The following CATSPER3 variants were observed in gnomAD, a reference collection of about 807,000 sequenced individuals.
CATSPER3 encodes the protein cation channel sperm-associated protein 3.
CATSPER3 carries 23 observed loss-of-function variants against 36.6 expected under a neutral mutation model. That is an observed-to-expected ratio of 0.63 (90% CI 0.45 to 0.89). CATSPER3 has a LOEUF of 0.89. Ranked by LOEUF, CATSPER3 falls within the 40% of genes least tolerant of loss-of-function variation. CATSPER3 has a pLI of 0.00. For missense variants in CATSPER3, 474 were observed against 503.9 expected (o/e 0.94, Z 0.57); for synonymous variants, 172 against 184.1 (o/e 0.93, Z 0.53).
At chr5:134,986,335 G>A (rs900844304) in intron 2 of CATSPER3, among the ~76,000 whole-genome samples, 7 of 151,796 alleles carry the variant, frequency 4.6e-5, no homozygotes, top group Admixed American at 6.6e-5. Context: ...GTAGAGACAC[G>A]GTTTCTCCAT....
intron 2 of CATSPER3, among the ~76,000 whole-genome samples, chr5:134,970,359 CCTT>C (rs1751588203): frequency 6.6e-6 from 1 of 152,048 alleles, no homozygotes; most frequent in Admixed American, 6.6e-5. Flanking sequence ...CGGGGTTTCA[CCTT>C]CTTGGCCAGG....
intron 3 of CATSPER3, among the ~76,000 whole-genome samples, chr5:135,001,443 G>C (rs1752018960): frequency 6.6e-6 from 1 of 152,256 alleles, no homozygotes; most frequent in Non-Finnish European, 1.5e-5. Context: ...GAGTTCTATA[G>C]ATGTCTATTA....
At chr5:134,986,945 C>A (rs1035186515) in intron 2 of CATSPER3, among the ~76,000 whole-genome samples, 32 of 152,112 alleles carry the variant, frequency 2.1e-4, no homozygotes, top group African/African-American at 7.5e-4. Flanking sequence ...AGTAACCTAA[C>A]TTTATGCCTT....
chr5:134,993,848 G>A (rs1014317365), intron 2 of CATSPER3, among the ~76,000 whole-genome samples: 15 of 152,222 alleles, frequency 9.9e-5, no homozygotes, highest in Non-Finnish European at 1.8e-4. Flanking sequence ...AAACTGTCCA[G>A]GCGCAGTGGC....
intron 1 of CATSPER3, chr5:134,969,305 A>G (rs1359488893): frequency 6.5e-6 from 1 of 153,164 alleles, no homozygotes; most frequent in Non-Finnish European, 1.5e-5. Flanking sequence ...AGAGTGCTCA[A>G]TCATACTACA....
At chr5:134,971,005 A>G (rs1170377553) in intron 2 of CATSPER3, among the ~76,000 whole-genome samples, 1 of 151,660 alleles carries the variant, frequency 6.6e-6, no homozygotes, top group Admixed American at 6.6e-5. Flanking sequence ...GCTGGAGTGC[A>G]GTGGCGCAAT....
At chr5:134,994,882 G>A (rs1221882148) in intron 2 of CATSPER3, among the ~76,000 whole-genome samples, 2 of 151,526 alleles carry the variant, frequency 1.3e-5, no homozygotes, top group Non-Finnish European at 2.9e-5. Flanking sequence ...TCAATTCCTG[G>A]CTTCAGCGAG....
At chr5:134,986,752 C>T (rs1024377668) in intron 2 of CATSPER3, among the ~76,000 whole-genome samples, 2 of 152,160 alleles carry the variant, frequency 1.3e-5, no homozygotes, top group African/African-American at 2.4e-5. Flanking sequence ...CGTGAGCCAC[C>T]ATGCCCAGCC....
chr5:134,976,375 T>C (rs1751674721), intron 2 of CATSPER3, among the ~76,000 whole-genome samples: 1 of 129,038 alleles, frequency 7.7e-6, no homozygotes, highest in African/African-American at 2.9e-5. Context: ...ACCCAAGGTC[T>C]GTTCTATTGC....
In CATSPER3 at chr5:135,008,821, A is replaced by G. The variant is rs1260681643; in HGVS notation, c.676-20A>G. The G allele has an allele frequency of 1.9e-6, 3 of 1,613,354 alleles. No homozygotes were observed. Among genetic ancestry groups the G allele is most frequent in the African/African-American group, 1.3e-5 (1 of 74,886 alleles). On this transcript the variant is annotated intron_variant, in intron 4 of 7. Transcript: ENST00000282611. ...GCCACTGGGTCTGGGCCCTCAGCAT[A>G]CTCTTCCCTGCCTGAGCAGGTTGAT...
chr5:134,996,063 C>G (rs1410303061), intron 2 of CATSPER3, among the ~76,000 whole-genome samples: 1 of 152,178 alleles, frequency 6.6e-6, no homozygotes, highest in Admixed American at 6.5e-5. Flanking sequence ...AGACCCAGCC[C>G]CAGGTGTAGG....
At chr5:134,985,335 C>G (rs1409009657) in intron 2 of CATSPER3, among the ~76,000 whole-genome samples, 1 of 152,098 alleles carries the variant, frequency 6.6e-6, no homozygotes, top group Non-Finnish European at 1.5e-5. Flanking sequence ...ATTCAAAAAC[C>G]AAATACTGCA....
chr5:135,004,614 G>A (rs984533997), intron 3 of CATSPER3, among the ~76,000 whole-genome samples: 1 of 152,178 alleles, frequency 6.6e-6, no homozygotes, highest in African/African-American at 2.4e-5. Flanking sequence ...AAGGGAGCAG[G>A]GGCCAGGAGT....
Position 134,980,751 on chromosome 5 carries a change from A to G in CATSPER3, c.252+10659A>G, listed in dbSNP as rs896477861. On this transcript the variant is annotated intron_variant, in intron 2 of 7. Coordinates refer to ENST00000282611, the MANE Select transcript of CATSPER3 (RefSeq NM_178019.3). The stretch of plus-strand genomic sequence containing the variant: ...GCCCCTTTCCTCCTTTCTTTATCAG[A>G]CAGTCTCACTCTGTTGCCTGGGCTT... 3.3e-5 allele frequency among the ~76,000 whole-genome samples: 5 copies of G among 151,876 alleles called. No individual in the cohort carries two copies. In the East Asian group the frequency reaches 9.7e-4, roughly 30 times the overall value.
Position 135,009,509 on chromosome 5 carries a change from C to T in CATSPER3, c.936+19C>T. 7.8e-7 allele frequency: 1 copy of T among 1,281,350 alleles called. No individual in the cohort carries two copies. The highest frequency in any genetic ancestry group is 1.0e-6 in the Non-Finnish European group (1 of 1,000,086). The allele number at this position is 1,281,350 out of a possible 1,614,324, so 79.4% of individuals were successfully genotyped here. ...CATACAGGTGAGTGGCCCCTGCAGGCAGGTGGACAGATGGGTGGATGGATC... is the reference window on the plus strand; with the variant it reads ...CATACAGGTGAGTGGCCCCTGCAGGTAGGTGGACAGATGGGTGGATGGATC... On this transcript the variant is annotated intron_variant, in intron 6 of 7. Coordinates refer to ENST00000282611, the MANE Select transcript of CATSPER3 (RefSeq NM_178019.3).
chr5:135,008,697 AGTGGACTGGGAG>A, intron 4 of CATSPER3, 132 bp from the exon 5 acceptor site: 1 of 724,382 alleles, frequency 1.4e-6, no homozygotes, highest in Non-Finnish European at 2.5e-6. Flanking sequence ...TGCTGGAGCC[AGTGGACTGGGAG>A]GTGTTGAGGG....
intron 2 of CATSPER3, among the ~76,000 whole-genome samples, chr5:134,986,879 A>C (rs995109116): frequency 6.6e-6 from 1 of 152,234 alleles, no homozygotes; most frequent in Non-Finnish European, 1.5e-5. Context: ...CAGTGCTCAG[A>C]GGGAAATTTA....
At chr5:134,979,998 T>C (rs1221403488) in intron 2 of CATSPER3, among the ~76,000 whole-genome samples, 2 of 147,458 alleles carry the variant, frequency 1.4e-5, no homozygotes, top group Admixed American at 1.4e-4. Context: ...TTCTTTCTTT[T>C]TGAGACAAAG....
chr5:134,977,735 A>G (rs1038235914), intron 2 of CATSPER3, among the ~76,000 whole-genome samples: 9 of 152,200 alleles, frequency 5.9e-5, no homozygotes, highest in African/African-American at 2.2e-4. Context: ...GTGTTGCTGT[A>G]AAGAAATACC....
Sources: allele counts gnomAD v4.1 joint callset (sites outside exome capture counted in the v4.1 genomes callset), GRCh38; gene constraint gnomAD v4.1.1; transcripts MANE v1.5; gene names NCBI Gene and HGNC (gene_info 2026-07-23, HGNC 2026-07-21).